MGAT5B: variants seen among roughly 807,000 people sequenced by gnomAD.
MGAT5B encodes N-acetylglucosaminyl-transferase Vb.
A neutral mutation model predicts 95.1 loss-of-function variants in MGAT5B; 54 were observed. That is an observed-to-expected ratio of 0.57 (90% CI 0.46 to 0.71). MGAT5B has a LOEUF of 0.71. Ranked by LOEUF, MGAT5B falls within the 30% of genes least tolerant of loss-of-function variation. The probability of loss-of-function intolerance (pLI) is 0.00; values close to 1 mark genes in which losing one functional copy is unlikely to be tolerated. For synonymous variants in MGAT5B, 464 were observed against 451.0 expected (o/e 1.03, Z -0.36); for missense variants, 935 against 1,088.6 (o/e 0.86, Z 1.99).
At chr17:76,948,579 GC>G in intron 17 of MGAT5B, 60 bp from the exon 18 acceptor site, 1 of 1,482,442 alleles carries the variant, frequency 6.7e-7, no homozygotes. Context: ...CCCCTACCCC[GC>G]CCCAGCCCTT....
At chr17:76,878,539 A>G (rs557839) in intron 2 of MGAT5B, among the ~76,000 whole-genome samples, 45,039 of 152,010 alleles carry the variant, frequency 0.3, 9,098 homozygotes, top group African/African-American at 0.55. Context: ...CAGTGGTGCA[A>G]TCGTGGCTCA....
chr17:76,915,408 G>C lies in MGAT5B; in HGVS notation c.1025+9221G>C, dbSNP rs192719025. Among the ~76,000 whole-genome samples, 235 of 152,222 alleles carry C rather than the reference G, an allele frequency of 1.5e-3. 1 individual carries two copies. Among genetic ancestry groups the C allele is most frequent in the African/African-American group, 5.3e-3 (222 of 41,520 alleles). On this transcript the variant is annotated intron_variant, in intron 8 of 17. Coordinates refer to ENST00000569840, the MANE Select transcript of MGAT5B (RefSeq NM_001199172.2). The surrounding 1 kb of genome is among the most constrained non-coding windows in gnomAD (Gnocchi z 8.7). The stretch of plus-strand genomic sequence containing the variant: ...ATTTTATCTTCGATGCCGGAGGGGA[G>C]AGCATTTCCCACAAGCCAGGTGGAG...
chr17:76,871,905 G>T (rs1298011763), intron 1 of MGAT5B, among the ~76,000 whole-genome samples: 1 of 152,250 alleles, frequency 6.6e-6, no homozygotes, highest in Non-Finnish European at 1.5e-5. Context: ...GGATTGATGA[G>T]GGAAGCAGCA....
intron 3 of MGAT5B, among the ~76,000 whole-genome samples, chr17:76,888,270 G>A (rs1418530666): frequency 2.0e-5 from 3 of 152,050 alleles, no homozygotes; most frequent in African/African-American, 7.2e-5. Flanking sequence ...AGAGCAGTGC[G>A]AATGCAAGCC....
At position 76,882,177 on chromosome 17, in the gene MGAT5B, G is replaced by A. The variant is rs571264; in HGVS notation, c.208G>A (p.Val70Ile). 299,704 of 1,612,542 alleles carry A rather than the reference G, an allele frequency of 0.19. 40,406 individuals carry two copies. The highest frequency in any genetic ancestry group is 0.6 in the African/African-American group (44,943 of 75,008). The change falls in exon 3 of 18, where the codon GTC (valine) becomes ATC (isoleucine). Residue 70 changes from valine (V) to isoleucine (I), a missense_variant. Coordinates refer to ENST00000569840, the MANE Select transcript of MGAT5B (RefSeq NM_001199172.2). ...GATGGGGGGCCCCGAGTCCCGCGGC[G>A]TCCTGCGCAAGATGAGCGACCTGCT... ...EVMGGPESRG[V>I]LRKMSDLLEL...
intron 8 of MGAT5B, among the ~76,000 whole-genome samples, chr17:76,921,645 G>A (rs1264908479): frequency 2.0e-5 from 3 of 152,196 alleles, no homozygotes; most frequent in Non-Finnish European, 2.9e-5. Context: ...CCTGGGGGGC[G>A]CAGGGTGTGG....
Position 76,885,662 on chromosome 17 carries a change from G to A in MGAT5B, c.329+3364G>A, listed in dbSNP as rs554629412. Among the ~76,000 whole-genome samples, 21 of 152,280 alleles carry A rather than the reference G, an allele frequency of 1.4e-4. No individual in the cohort carries two copies. In the East Asian group the frequency reaches 3.7e-3, roughly 27 times the overall value. ...CTGGGAAATAGCAACCATCCATCAC[G>A]ACCGGCAGAGCCCATCACACCCACA... On this transcript the variant is annotated intron_variant, in intron 3 of 17. Transcript: ENST00000569840.
intron 3 of MGAT5B, among the ~76,000 whole-genome samples, chr17:76,888,175 C>T (rs913346397): frequency 6.6e-6 from 1 of 152,042 alleles, no homozygotes; most frequent in Non-Finnish European, 1.5e-5. Flanking sequence ...AGAGAGGAGT[C>T]CTCTCTGCTC....
At chr17:76,874,965 G>T (rs1223805417) in intron 2 of MGAT5B, among the ~76,000 whole-genome samples, 2 of 152,150 alleles carry the variant, frequency 1.3e-5, no homozygotes, top group Non-Finnish European at 2.9e-5. Context: ...GCATGTGTGT[G>T]TGCGTGTACG....
At chr17:76,919,924 C>A (rs1403691216) in intron 8 of MGAT5B, among the ~76,000 whole-genome samples, 1 of 152,304 alleles carries the variant, frequency 6.6e-6, no homozygotes, top group South Asian at 2.1e-4. Flanking sequence ...CTTCCTGCCC[C>A]GAGAGGGTAG....
Position 76,906,372 on chromosome 17 carries a change from C to T in MGAT5B, c.1025+185C>T, listed in dbSNP as rs562906072. On this transcript the variant is annotated intron_variant, in intron 8 of 17. Transcript: ENST00000569840. The surrounding 1 kb of genome is among the most constrained non-coding windows in gnomAD (Gnocchi z 4.6). ...CACTCCTAATCCCCCTCCTCCTGCC[C>T]GGTCTTGGGGGATGTGGCAGGGAAG... is the stretch of plus-strand genomic sequence containing the variant. 5.3e-5 allele frequency among the ~76,000 whole-genome samples: 8 copies of T among 152,318 alleles called. No homozygotes were observed. Among genetic ancestry groups the T allele is most frequent in the South Asian group, 2.1e-4 (1 of 4,830 alleles).
At chr17:76,884,242 G>A (rs1350660461) in intron 3 of MGAT5B, among the ~76,000 whole-genome samples, 1 of 152,172 alleles carries the variant, frequency 6.6e-6, no homozygotes, top group Non-Finnish European at 1.5e-5. Context: ...CCCAGAGGAA[G>A]AAACTGAGGC....
chr17:76,878,351 G>A (rs1369952002), intron 2 of MGAT5B, among the ~76,000 whole-genome samples: 1 of 152,164 alleles, frequency 6.6e-6, no homozygotes, highest in Non-Finnish European at 1.5e-5. Context: ...CCCCTGGCAC[G>A]GGGGGACTTG....
Position 76,940,971 on chromosome 17 carries a change from G to A in MGAT5B, c.1848+123G>A. The A allele has an allele frequency of 1.4e-6, 1 of 731,078 alleles. No homozygotes were observed. The highest frequency in any genetic ancestry group is 2.3e-6 in the Non-Finnish European group (1 of 433,472). 45.3% of individuals were successfully genotyped at this position (731,078 alleles called of 1,614,324 possible). Reference sequence around the variant, plus strand: ...CTTGCAGGCCTGGGTTGGCAAAGGTGTCCATCCCTCCCCTGGTCAGACACA... The same window carrying A: ...CTTGCAGGCCTGGGTTGGCAAAGGTATCCATCCCTCCCCTGGTCAGACACA... On this transcript the variant is annotated intron_variant, in intron 15 of 17. Coordinates refer to ENST00000569840, the MANE Select transcript of MGAT5B (RefSeq NM_001199172.2). This position sits in a 1 kb window ranked among gnomAD's most constrained non-coding sequence, Gnocchi z 4.3.
Position 76,913,170 on chromosome 17 carries a change from G to T in MGAT5B, c.1025+6983G>T, listed in dbSNP as rs1207376991. Among the ~76,000 whole-genome samples the T allele has an allele frequency of 2.6e-5, 4 of 152,226 alleles. No individual in the cohort carries two copies. The South Asian group carries it at 8.3e-4, about 31-fold the overall frequency. Reference sequence around the variant, plus strand: ...CAGCCAGGCTGGAAATCTGCCTCCTGCCTGGGGCCAGGTGCCCAAAGGAAA... The same window carrying T: ...CAGCCAGGCTGGAAATCTGCCTCCTTCCTGGGGCCAGGTGCCCAAAGGAAA... On this transcript the variant is annotated intron_variant, in intron 8 of 17. Transcript: ENST00000569840.
intron 1 of MGAT5B, among the ~76,000 whole-genome samples, chr17:76,871,667 C>G (rs1330309982): frequency 6.6e-6 from 1 of 152,212 alleles, no homozygotes; most frequent in East Asian, 1.9e-4. Flanking sequence ...AAGCATGGAA[C>G]TTGAGGGCGG....
intron 8 of MGAT5B, among the ~76,000 whole-genome samples, chr17:76,907,973 G>A (rs1486526215): frequency 6.6e-6 from 1 of 152,158 alleles, no homozygotes; most frequent in Non-Finnish European, 1.5e-5. Flanking sequence ...CTTTCGTCTT[G>A]ATGAGATGCC....
intron 10 of MGAT5B, among the ~76,000 whole-genome samples, chr17:76,929,968 G>A (rs7214368): frequency 0.21 from 32,521 of 152,110 alleles, 3,546 homozygotes; most frequent in East Asian, 0.28. Flanking sequence ...AGAGTGGTGG[G>A]AACAGGGGAG....
intron 3 of MGAT5B, among the ~76,000 whole-genome samples, chr17:76,882,791 T>A (rs1222430993): frequency 6.9e-6 from 1 of 144,024 alleles, no homozygotes; most frequent in Non-Finnish European, 1.5e-5. Flanking sequence ...CTCAGCTCAC[T>A]GCAACCTCTG....
Sources: allele counts gnomAD v4.1 joint callset (sites outside exome capture counted in the v4.1 genomes callset), GRCh38; gene constraint gnomAD v4.1.1; non-coding constraint Gnocchi (gnomAD v3.1); transcripts MANE v1.5; gene names NCBI Gene and HGNC (gene_info 2026-07-23, HGNC 2026-07-21).